Variants in CDKL3 observed in about 807,000 individuals in gnomAD.
CDKL3 encodes the protein cyclin dependent kinase like 3.
Under a neutral mutation model 69.3 loss-of-function variants are expected in CDKL3, and 65 were observed. The ratio of observed to expected loss-of-function variants is 0.94; its 90% CI spans 0.77 to 1.15. The LOEUF (loss-of-function observed/expected upper bound fraction) is 1.15. Ranked by LOEUF, CDKL3 falls within the 50% of genes most tolerant of loss-of-function variation. The pLI, the probability that CDKL3 is intolerant of heterozygous loss-of-function variation, is 0.00. For synonymous variants in CDKL3, 202 were observed against 221.6 expected (o/e 0.91, Z 0.79); for missense variants, 652 against 689.2 (o/e 0.95, Z 0.61).
chr5:134,349,710 T>C (rs1752769189), intron 4 of CDKL3, among the ~76,000 whole-genome samples: 1 of 152,190 alleles, frequency 6.6e-6, no homozygotes. Flanking sequence ...TGGAGCTGTG[T>C]CCATTCAGCC....
chr5:134,363,124 G>C (rs1756456985), intron 2 of CDKL3, among the ~76,000 whole-genome samples: 1 of 152,122 alleles, frequency 6.6e-6, no homozygotes, highest in Admixed American at 6.5e-5. Context: ...GAAAGAGCAA[G>C]AGATACTGCC....
upstream of CDKL3, among the ~76,000 whole-genome samples, chr5:134,369,896 C>A (rs150178260): frequency 2.6e-4 from 39 of 152,236 alleles, no homozygotes; most frequent in African/African-American, 8.9e-4. Flanking sequence ...TCCATGTAAC[C>A]CTACCTGTGT....
At chr5:134,364,194 T>C (rs1004155266) in intron 2 of CDKL3, among the ~76,000 whole-genome samples, 6 of 152,160 alleles carry the variant, frequency 3.9e-5, no homozygotes, top group Non-Finnish European at 8.8e-5. Context: ...TCATTAATTT[T>C]CTACCCCAAC....
intron 8 of CDKL3, among the ~76,000 whole-genome samples, chr5:134,287,932 T>C (rs922991694): frequency 6.6e-5 from 10 of 151,212 alleles, no homozygotes; most frequent in African/African-American, 2.2e-4. Context: ...TTCACCCTTG[T>C]TGCCCAGGCT....
chr5:134,304,280 T>C (rs552977159), intron 11 of CDKL3, 125 bp downstream of exon 11: 2 of 729,336 alleles, frequency 2.7e-6, no homozygotes, highest in African/African-American at 3.6e-5. Flanking sequence ...TCTCATCAGC[T>C]GAAATGTTTT....
At chr5:134,322,542 G>T (rs2149490936) in intron 4 of CDKL3, among the ~76,000 whole-genome samples, 1 of 152,210 alleles carries the variant, frequency 6.6e-6, no homozygotes, top group East Asian at 1.9e-4. Context: ...TCACATGTGT[G>T]CACAAATATA....
At chr5:134,314,896 T>C (rs539131434) in intron 6 of CDKL3, among the ~76,000 whole-genome samples, 2 of 152,088 alleles carry the variant, frequency 1.3e-5, no homozygotes, top group South Asian at 4.2e-4. Context: ...GTGTGTGTGT[T>C]AGGTATCCTG....
chr5:134,363,637 T>C (rs563663808), intron 2 of CDKL3, among the ~76,000 whole-genome samples: 81 of 151,952 alleles, frequency 5.3e-4, no homozygotes, highest in Non-Finnish European at 1.0e-3. Flanking sequence ...ATTTTTTGTG[T>C]TTTAGTAGAG....
intron 4 of CDKL3, 66 bp from the exon 5 acceptor site, chr5:134,321,969 A>T: frequency 2.3e-6 from 2 of 866,664 alleles, no homozygotes; most frequent in Non-Finnish European, 3.6e-6. Context: ...ATTCTTAAAA[A>T]TATGTTTAAA....
chr5:134,350,822 G>GAAAAAAAAGAAAAAAAAAAAAAA (rs1753077651), intron 3 of CDKL3, among the ~76,000 whole-genome samples: 1 of 56,286 alleles, frequency 1.8e-5, no homozygotes, highest in Non-Finnish European at 3.7e-5. Flanking sequence ...TCTAAAAAAA[G>GAAAAAAAAGAAAAAAAAAAAAAA]AAAAAAAAGA....
intron 7 of CDKL3, among the ~76,000 whole-genome samples, chr5:134,309,036 A>C (rs1273138891): frequency 1.3e-5 from 2 of 152,172 alleles, no homozygotes; most frequent in Non-Finnish European, 2.9e-5. Flanking sequence ...ATTTTGATAA[A>C]GATACTGTTA....
At chr5:134,346,875 A>G (rs1752036541) in intron 4 of CDKL3, among the ~76,000 whole-genome samples, 1 of 152,168 alleles carries the variant, frequency 6.6e-6, no homozygotes, top group Non-Finnish European at 1.5e-5. Context: ...ATGAGTTCAT[A>G]ATGATATTTC....
In CDKL3 at chr5:134,318,446, G is replaced by A. The variant is rs1377619725; in HGVS notation, c.792+912C>T. On this transcript the variant is annotated intron_variant, in intron 6 of 12. Transcript: ENST00000265334. ...GCTAAACTAAATGTTAAAAGGTAGTGATAAATACAGTAAGTCCTTAGAATT... is the reference window on the plus strand; with the variant it reads ...GCTAAACTAAATGTTAAAAGGTAGTAATAAATACAGTAAGTCCTTAGAATT... Among the ~76,000 whole-genome samples the A allele has an allele frequency of 2.0e-5, 3 of 151,886 alleles. No individual in the cohort carries two copies. In the East Asian group the frequency reaches 5.8e-4, roughly 29 times the overall value.
intron 2 of CDKL3, among the ~76,000 whole-genome samples, chr5:134,365,782 C>G (rs928988130): frequency 6.6e-6 from 1 of 152,200 alleles, no homozygotes. Flanking sequence ...GTCCTTTCCA[C>G]TTTGCCCTTT....
chr5:134,358,119 T>C (rs887021624), intron 3 of CDKL3, among the ~76,000 whole-genome samples: 58 of 152,184 alleles, frequency 3.8e-4, no homozygotes, highest in African/African-American at 1.3e-3. Context: ...TCTTCAGTAG[T>C]TTCCCAGGAT....
At chr5:134,364,966 C>G (rs1485559403) in intron 2 of CDKL3, among the ~76,000 whole-genome samples, 1 of 150,994 alleles carries the variant, frequency 6.6e-6, no homozygotes, top group Admixed American at 6.6e-5. Flanking sequence ...GACACTATGC[C>G]TGGCTAATTT....
chr5:134,306,465 C>T (rs190049871), intron 10 of CDKL3, 144 bp downstream of exon 10: 1 of 582,152 alleles, frequency 1.7e-6, no homozygotes, highest in African/African-American at 2.0e-5. Flanking sequence ...CCACTGCACT[C>T]CAGTCTGGGC....
Position 134,321,859 on chromosome 5 carries a change from G to A in CDKL3, c.584C>T (p.Ala195Val). 1 of 1,612,452 alleles carries A rather than the reference G, an allele frequency of 6.2e-7. No homozygotes were observed. The highest frequency in any genetic ancestry group is 8.5e-7 in the Non-Finnish European group (1 of 1,178,924). Residue 195 changes from alanine to valine, a missense_variant, in exon 5 of 13, where the codon GCC becomes GTC. Transcript: ENST00000265334. The part of the protein sequence containing the change: ...WALGCMIIEM[A>V]TGNPYLPSSS... ...ACTAGGAAGATAGGGATTTCCAGTG[G>A]CCATCTCAATGATCATACAGCCCAA...
chr5:134,359,526 G>A (rs1021269047), intron 3 of CDKL3, among the ~76,000 whole-genome samples: 4 of 151,666 alleles, frequency 2.6e-5, no homozygotes, highest in Admixed American at 1.3e-4. Context: ...TTTGTGAGGC[G>A]GAGTCTTGCT....
Sources: gnomAD v4.1 joint callset for allele counts (sites outside exome capture counted in the v4.1 genomes callset) on GRCh38, gnomAD v4.1.1 for gene constraint, MANE v1.5 for transcripts, NCBI Gene and HGNC (gene_info 2026-07-23, HGNC 2026-07-21) for gene names.